Variants in AIG1 observed in about 807,000 individuals in gnomAD.
AIG1 encodes the protein androgen induced 1.
Under a neutral mutation model 31.4 loss-of-function variants are expected in AIG1, and 23 were observed. The ratio of observed to expected loss-of-function variants is 0.73; its 90% confidence interval spans 0.53 to 1.04. The LOEUF is 1.04. AIG1 is among the 50% of genes least tolerant of loss of function. The pLI is 0.00. For synonymous variants in AIG1, 100 were observed against 110.5 expected (o/e 0.90, Z 0.60); for missense variants, 274 against 295.0 (o/e 0.93, Z 0.52).
Position 143,060,933 on chromosome 6 carries a change from T to C in AIG1, c.8T>C (p.Leu3Pro), listed in dbSNP as rs1277544932. The C allele has an allele frequency of 1.9e-6, 3 of 1,608,900 alleles. No individual in the cohort carries two copies. In the Admixed American group the frequency reaches 5.0e-5, roughly 27 times the overall value. Residue 3 changes from leucine (L) to proline (P), a missense_variant, in exon 1 of 6, where the codon CTT becomes CCT. Transcript: ENST00000357847. ...TCCAGGCCTCTGGCGAACATGGCGC[T>C]TGTCCCCTGCCAGGTGCTGCGGATG... MALVPCQVLRMAI... is the reference protein window; with the variant it reads MAPVPCQVLRMAI...
chr6:143,198,566 A>G (rs1228585617), intron 3 of AIG1, among the ~76,000 whole-genome samples: 1 of 152,242 alleles, frequency 6.6e-6, no homozygotes, highest in Admixed American at 6.5e-5. Flanking sequence ...GTCGTTTAAA[A>G]TCGATGGTCT....
chr6:143,069,589 CT>C (rs1777063682), intron 1 of AIG1, among the ~76,000 whole-genome samples: 1 of 152,234 alleles, frequency 6.6e-6, no homozygotes, highest in East Asian at 1.9e-4. Context: ...TGTTAATTAT[CT>C]TTTCCTGTGC....
In AIG1 at chr6:143,134,552, T is replaced by A. The variant is rs563509392; in HGVS notation, c.142-2283T>A. ...TTTTTTGAAGCAATGAACACTCAAA[T>A]TAACCTTTGGTAGATATGACTAGTA... On this transcript the variant is annotated intron_variant, in intron 1 of 5. Transcript: ENST00000357847. Among the ~76,000 whole-genome samples the A allele has an allele frequency of 1.8e-3, 280 of 152,174 alleles. 3 individuals are homozygous for A. Among genetic ancestry groups the A allele is most frequent in the African/African-American group, 6.4e-3 (264 of 41,574 alleles).
intron 3 of AIG1, among the ~76,000 whole-genome samples, chr6:143,249,056 A>G (rs542142276): frequency 8.3e-4 from 126 of 152,342 alleles, no homozygotes; most frequent in African/African-American, 2.9e-3. Flanking sequence ...ATATAATTAT[A>G]TAGGATGAAT....
At position 143,192,359 on chromosome 6, in the gene AIG1, C is replaced by G. The variant is rs545252806; in HGVS notation, c.399+27176C>G. ...GTGGCTCACGCCTGCAATCCCAGCACTTTGGGAGGCCAAGACAGGTGCATC... is the reference window on the plus strand; with the variant it reads ...GTGGCTCACGCCTGCAATCCCAGCAGTTTGGGAGGCCAAGACAGGTGCATC... On this transcript the variant is annotated intron_variant, in intron 3 of 5. Transcript: ENST00000357847. Among the ~76,000 whole-genome samples the G allele has an allele frequency of 2.8e-4, 42 of 152,292 alleles. No homozygotes were observed. The South Asian group carries it at 7.3e-3, about 26-fold the overall frequency.
At chr6:143,260,017 CTTTTTTTTTT>C (rs35620148) in intron 3 of AIG1, among the ~76,000 whole-genome samples, 1 of 85,118 alleles carries the variant, frequency 1.2e-5, no homozygotes, top group Non-Finnish European at 2.1e-5. Flanking sequence ...TCTTGTGCTT[CTTTTTTTTTT>C]TTTTTTTTTT....
intron 1 of AIG1, among the ~76,000 whole-genome samples, chr6:143,097,442 C>T (rs2876548): frequency 0.11 from 16,413 of 152,076 alleles, 2,813 homozygotes; most frequent in African/African-American, 0.37. Flanking sequence ...ATCTATAATC[C>T]GGATTAAACT....
intron 1 of AIG1, among the ~76,000 whole-genome samples, chr6:143,108,410 G>C (rs75630080): frequency 0.019 from 2,819 of 152,272 alleles, 47 homozygotes; most frequent in Non-Finnish European, 0.026. Context: ...TCAAATGTTT[G>C]TGGTGTCTAT....
At chr6:143,342,767 C>CA (rs1777882416), downstream of AIG1, 2 of 815,740 alleles carry the variant, frequency 2.5e-6, no homozygotes, top group Admixed American at 3.4e-5. Context: ...ATCATAGCTG[C>CA]AAACGTCCTT....
rs145515545 is a variant in AIG1, at chr6:143,242,928, G to A, written c.400-41182G>A. ...ATTTGTCTCTCTTATCCCAGGTTGC[G>A]TGTGGTTGTAGAAGGTGAAGTGCTG... On this transcript the variant is annotated intron_variant, in intron 3 of 5. Transcript: ENST00000357847. 6.8e-3 allele frequency among the ~76,000 whole-genome samples: 1,041 copies of A among 152,252 alleles called. 16 individuals are homozygous for A. The highest frequency in any genetic ancestry group is 0.023 in the African/African-American group (965 of 41,534).
intron 1 of AIG1, among the ~76,000 whole-genome samples, chr6:143,067,998 A>G (rs543821963): frequency 2.6e-5 from 4 of 152,222 alleles, no homozygotes; most frequent in African/African-American, 7.2e-5. Flanking sequence ...CCTTCTTTGC[A>G]TGTTTCTTTT....
chr6:143,296,954 C>A (rs1428484079), intron 4 of AIG1, among the ~76,000 whole-genome samples: 1 of 152,150 alleles, frequency 6.6e-6, no homozygotes, highest in Non-Finnish European at 1.5e-5. Context: ...GAGTGCCTAC[C>A]AGGTGTCAGG....
chr6:143,109,978 G>A (rs1781131217), intron 1 of AIG1, among the ~76,000 whole-genome samples: 1 of 152,098 alleles, frequency 6.6e-6, no homozygotes, highest in Non-Finnish European at 1.5e-5. Context: ...ATTCTCCTCT[G>A]CTATCTTCTA....
In AIG1 at chr6:143,331,843, A is replaced by T. The variant is rs566508382; in HGVS notation, c.516-1439A>T. 7.7e-6 allele frequency among the ~76,000 whole-genome samples: 1 copy of T among 130,244 alleles called. No individual in the cohort carries two copies. Among genetic ancestry groups the T allele is most frequent in the African/African-American group, 3.0e-5 (1 of 33,724 alleles). 85.4% of individuals were successfully genotyped at this position (130,244 alleles called of 152,430 possible). On this transcript the variant is annotated intron_variant, in intron 4 of 5. Coordinates refer to ENST00000357847, the MANE Select transcript of AIG1 (RefSeq NM_016108.4). The surrounding 1 kb of genome is among the most constrained non-coding windows in gnomAD (Gnocchi z 4.1). Reference sequence around the variant, plus strand: ...CAAAAATGAGGTACATGTGTAGGTAATGTTTATTATTATTATTATTATTAT... The same window carrying T: ...CAAAAATGAGGTACATGTGTAGGTATTGTTTATTATTATTATTATTATTAT...
chr6:143,168,727 C>T (rs1787209306), intron 3 of AIG1, among the ~76,000 whole-genome samples: 1 of 151,950 alleles, frequency 6.6e-6, no homozygotes, highest in South Asian at 2.1e-4. Flanking sequence ...TGCTTGAGCC[C>T]ATGAGATCAA....
chr6:143,188,537 G>A (rs1263473581), intron 3 of AIG1: 1 of 985,234 alleles, frequency 1.0e-6, no homozygotes, highest in Non-Finnish European at 1.2e-6. Context: ...GGCTGAGACA[G>A]TCCAAGTTTG....
In AIG1 at chr6:143,284,731, T is replaced by G. The variant is rs977722102; in HGVS notation, c.515+506T>G. Among the ~76,000 whole-genome samples the G allele has an allele frequency of 2.0e-5, 3 of 152,188 alleles. No homozygotes were observed. Among genetic ancestry groups the G allele is most frequent in the African/African-American group, 7.2e-5 (3 of 41,436 alleles). ...GGAGAATGCATTAAACTGTTCTGTT[T>G]TTAAATATTGGGATAAATAAACCAC... On this transcript the variant is annotated intron_variant, in intron 4 of 5. Coordinates refer to ENST00000357847, the MANE Select transcript of AIG1 (RefSeq NM_016108.4). This position sits in a 1 kb window ranked among gnomAD's most constrained non-coding sequence, Gnocchi z 4.4.
chr6:143,336,479 G>C (rs9403485), intron 5 of AIG1, among the ~76,000 whole-genome samples: 35,385 of 151,990 alleles, frequency 0.23, 4,492 homozygotes, highest in East Asian at 0.46. Context: ...CTTTGTATAA[G>C]AATACCAGTT....
chr6:143,298,244 C>T lies in AIG1; in HGVS notation c.515+14019C>T, dbSNP rs1798579062. ...TACTCTGTGGAGATCTGATCAGGCC[C>T]TAGAGGAGTGAACAGCTTGAAAGAA... On this transcript the variant is annotated intron_variant, in intron 4 of 5. Transcript: ENST00000357847. This position sits in a 1 kb window ranked among gnomAD's most constrained non-coding sequence, Gnocchi z 5.1. Among the ~76,000 whole-genome samples the T allele has an allele frequency of 6.6e-6, 1 of 152,112 alleles. No homozygotes were observed.
Sources: gnomAD v4.1 joint callset for allele counts (sites outside exome capture counted in the v4.1 genomes callset) on GRCh38, gnomAD v4.1.1 for gene constraint, Gnocchi (gnomAD v3.1) non-coding constraint, MANE v1.5 for transcripts, NCBI Gene and HGNC (gene_info 2026-07-23, HGNC 2026-07-21) for gene names.